The following HHIPL1 variants were observed in gnomAD, a reference collection of about 807,000 sequenced individuals.
HHIPL1 encodes the protein HHIP-like protein 1.
HHIPL1 carries 43 observed loss-of-function variants against 61.8 expected under a neutral mutation model. The observed-to-expected ratio is 0.70, with a 90% confidence interval of 0.55 to 0.90. The LOEUF (loss-of-function observed/expected upper bound fraction) is 0.90. HHIPL1 is among the 40% of genes least tolerant of loss of function. The pLI is 0.00. For synonymous variants in HHIPL1, 482 were observed against 515.8 expected (o/e 0.93, Z 0.89); for missense variants, 1,056 against 1,157.7 (o/e 0.91, Z 1.28).
the HHIPL1 span, among the ~76,000 whole-genome samples, chr14:99,614,725 G>C: frequency 6.6e-6 from 1 of 152,162 alleles, no homozygotes; most frequent in Non-Finnish European, 1.5e-5. Context: ...ACGTTATCCA[G>C]ATTCCCCAAA....
intron 2 of HHIPL1, among the ~76,000 whole-genome samples, chr14:99,655,783 A>G (rs140269127): frequency 2.1e-4 from 32 of 152,334 alleles, no homozygotes; most frequent in African/African-American, 7.5e-4. Context: ...TTACTTAAAG[A>G]CTAGTAACTG....
At chr14:99,639,408 G>T in the HHIPL1 span, among the ~76,000 whole-genome samples, 2 of 152,116 alleles carry the variant, frequency 1.3e-5, no homozygotes, top group Non-Finnish European at 2.9e-5. Context: ...GAAGTGCAGT[G>T]ATCATGGCTC....
upstream of HHIPL1, among the ~76,000 whole-genome samples, chr14:99,640,877 C>CTTTTTTTTTTTTT (rs59137552): frequency 1.0e-3 from 72 of 69,870 alleles, 3 homozygotes; most frequent in Non-Finnish European, 1.5e-3. Context: ...ACTTCTTCTT[C>CTTTTTTTTTTTTT]TTTTTTTTTT....
the HHIPL1 span, among the ~76,000 whole-genome samples, chr14:99,607,435 G>T: frequency 2.6e-5 from 4 of 152,196 alleles, no homozygotes; most frequent in East Asian, 7.7e-4. Flanking sequence ...AAATAAAGGT[G>T]CCCCACCAAC....
chr14:99,612,076 A>G, the HHIPL1 span, among the ~76,000 whole-genome samples: 1 of 152,178 alleles, frequency 6.6e-6, no homozygotes, highest in Admixed American at 6.5e-5. Flanking sequence ...AGAAATACCC[A>G]ACACTGGGTA....
At chr14:99,633,601 G>A in the HHIPL1 span, among the ~76,000 whole-genome samples, 118,084 of 152,132 alleles carry the variant, frequency 0.78, 46,050 homozygotes, top group East Asian at 0.96. Flanking sequence ...TCCTGGGCAG[G>A]GGAGCCACAG....
chr14:99,627,379 A>G, the HHIPL1 span, among the ~76,000 whole-genome samples: 73 of 148,770 alleles, frequency 4.9e-4, 1 homozygote, highest in South Asian at 2.1e-3. This position sits in a 1 kb window ranked among gnomAD's most constrained non-coding sequence, Gnocchi z 4.4. Flanking sequence ...CGTCCATCCA[A>G]CCATCCATCC....
intron 5 of HHIPL1, among the ~76,000 whole-genome samples, chr14:99,662,040 C>T (rs1220713769): frequency 4.6e-5 from 7 of 152,288 alleles, no homozygotes; most frequent in African/African-American, 1.4e-4. Context: ...CTCCTTTCTC[C>T]CTTCTGTCCT....
intron 1 of HHIPL1, among the ~76,000 whole-genome samples, chr14:99,651,068 GC>G (rs1025528287): frequency 1.6e-4 from 24 of 152,130 alleles, no homozygotes; most frequent in African/African-American, 5.6e-4. Context: ...GGGCAACATG[GC>G]AAAACCCCAT....
the HHIPL1 span, among the ~76,000 whole-genome samples, chr14:99,614,806 C>G: frequency 6.6e-6 from 1 of 152,096 alleles, no homozygotes; most frequent in Non-Finnish European, 1.5e-5. Context: ...TTCCGGAGGC[C>G]AGGATAGCGT....
At chr14:99,649,291 C>T (rs1308077062) in intron 1 of HHIPL1, among the ~76,000 whole-genome samples, 1 of 152,176 alleles carries the variant, frequency 6.6e-6, no homozygotes, top group Non-Finnish European at 1.5e-5. Flanking sequence ...TCGTTGCCTT[C>T]CAGATGTCTG....
At chr14:99,614,643 G>A in the HHIPL1 span, among the ~76,000 whole-genome samples, 1 of 152,308 alleles carries the variant, frequency 6.6e-6, no homozygotes, top group South Asian at 2.1e-4. Context: ...GCATCAGGCT[G>A]AGCTAGGAGA....
At chr14:99,615,645 A>AAG in the HHIPL1 span, among the ~76,000 whole-genome samples, 4 of 8,452 alleles carry the variant, frequency 4.7e-4, no homozygotes, top group Non-Finnish European at 1.2e-3. Flanking sequence ...GAAAGAAAGG[A>AAG]AGAGAGAGAG....
chr14:99,659,479 C>A lies in HHIPL1; in HGVS notation c.1098C>A (p.Arg366=). Residue 366 remains arginine (R), a synonymous_variant, in exon 4 of 9, where the codon CGC becomes CGA. Coordinates refer to ENST00000330710, the MANE Select transcript of HHIPL1 (RefSeq NM_001127258.3). The part of the protein sequence containing the change: ...VLRIDVDRKE[R]GLPYGIPPDN... ...GCATCGACGTGGACCGTAAGGAGCG[C>A]GGCCTGCCCTACGGCATCCCGCCCG... is the stretch of plus-strand genomic sequence containing the variant. 1 of 1,532,840 alleles carries A rather than the reference C, an allele frequency of 6.5e-7. No homozygotes were observed. The highest frequency in any genetic ancestry group is 8.7e-7 in the Non-Finnish European group (1 of 1,144,888). 95.0% of individuals were successfully genotyped at this position (1,532,840 alleles called of 1,614,324 possible).
intron 7 of HHIPL1, among the ~76,000 whole-genome samples, chr14:99,671,714 T>A (rs2056327832): frequency 6.6e-6 from 1 of 152,186 alleles, no homozygotes; most frequent in Admixed American, 6.5e-5. Flanking sequence ...CTTCTCTGAC[T>A]CTTTTGTCTC....
At chr14:99,672,789 C>A (rs566872604) in intron 8 of HHIPL1, among the ~76,000 whole-genome samples, 35 of 152,126 alleles carry the variant, frequency 2.3e-4, no homozygotes, top group Middle Eastern at 3.2e-3. Context: ...TGAGGAGAGA[C>A]GACAGAGCAG....
chr14:99,675,849 T>C lies in HHIPL1; in HGVS notation c.*223T>C. Reference sequence around the variant, plus strand: ...CGGTGTGGGCTCTGGAAGTGCATGGTCCATCATGGGCGGGAGGAGTTCCTT... The same window carrying C: ...CGGTGTGGGCTCTGGAAGTGCATGGCCCATCATGGGCGGGAGGAGTTCCTT... On this transcript the variant is annotated 3_prime_UTR_variant, in exon 9 of 9. Transcript: ENST00000330710. The surrounding 1 kb of genome is among the most constrained non-coding windows in gnomAD (Gnocchi z 5.4). 2 of 445,488 alleles carry C rather than the reference T, an allele frequency of 4.5e-6. No individual in the cohort carries two copies. The highest frequency in any genetic ancestry group is 7.8e-6 in the Non-Finnish European group (2 of 255,748). The allele number at this position is 445,488 out of a possible 1,614,324, so 27.6% of individuals were successfully genotyped here. A position where few individuals can be genotyped will look rare whatever the true frequency, so the allele number is the denominator to read the frequency against.
chr14:99,635,498 C>T, the HHIPL1 span, among the ~76,000 whole-genome samples: 2 of 152,150 alleles, frequency 1.3e-5, no homozygotes, highest in African/African-American at 4.8e-5. Context: ...GGGGCTGGGC[C>T]TTTTCCTCCC....
intron 3 of HHIPL1, among the ~76,000 whole-genome samples, chr14:99,658,269 C>T (rs1595157733): frequency 6.6e-6 from 1 of 152,156 alleles, no homozygotes; most frequent in East Asian, 1.9e-4. Flanking sequence ...TATTTTGCTG[C>T]TACAAGTTGT....
Sources: allele counts gnomAD v4.1 joint callset (sites outside exome capture counted in the v4.1 genomes callset), GRCh38; gene constraint gnomAD v4.1.1; non-coding constraint Gnocchi (gnomAD v3.1); transcripts MANE v1.5; gene names NCBI Gene and HGNC (gene_info 2026-07-23, HGNC 2026-07-21).